PRSS41: variants seen among roughly 807,000 people sequenced by gnomAD.
The protein encoded by PRSS41 is protease, serine 41.
PRSS41 carries 37 observed loss-of-function variants against 28.8 expected under a neutral mutation model. The ratio of observed to expected loss-of-function variants is 1.29; its 90% CI spans 0.99 to 1.69. PRSS41 has a LOEUF of 1.69. PRSS41 is among the 40% of genes most tolerant of loss of function. The pLI, the probability that PRSS41 is intolerant of heterozygous loss-of-function variation, is 0.00. For missense variants in PRSS41, 431 were observed against 400.7 expected (o/e 1.08, Z -0.65); for synonymous variants, 195 against 163.1 (o/e 1.20, Z -1.49).
chr16:2,799,232 C>T lies in PRSS41; in HGVS notation c.258-54C>T, dbSNP rs998889390. 5 of 1,534,492 alleles carry T rather than the reference C, an allele frequency of 3.3e-6. No homozygotes were observed. The African/African-American group carries it at 6.9e-5, about 21-fold the overall frequency. ...TCAGGGACTGGGCCTCCAGCGTGCT[C>T]AGGCGGCCAGCCCCCTATTCCAAGG... is the stretch of plus-strand genomic sequence containing the variant. On this transcript the variant is annotated intron_variant, in intron 3 of 5. Coordinates refer to ENST00000399677, the Ensembl canonical transcript of PRSS41.
At chr16:2,799,247 C>T (rs1293648208) in intron 3 of PRSS41, 39 bp from the exon 4 acceptor site, 2 of 1,545,436 alleles carry the variant, frequency 1.3e-6, no homozygotes, top group Non-Finnish European at 1.7e-6. Flanking sequence ...GGCCAGCCCC[C>T]TATTCCAAGG....
At chr16:2,803,855 C>T (rs1280671994) in intron 4 of PRSS41, among the ~76,000 whole-genome samples, 2 of 152,160 alleles carry the variant, frequency 1.3e-5, no homozygotes, top group African/African-American at 4.8e-5. Flanking sequence ...GATCCCTTGT[C>T]CTTGATGTAT....
At position 2,802,165 on chromosome 16, in the gene PRSS41, C is replaced by T. The variant is rs1416742824; in HGVS notation, c.542-2224C>T. On this transcript the variant is annotated intron_variant, in intron 4 of 5. Transcript: ENST00000399677. Reference sequence around the variant, plus strand: ...GCAGAGGGTCTCCTCACTTCTCAGACGGGGTGGCCGGGCAGAGACGCTCCT... The same window carrying T: ...GCAGAGGGTCTCCTCACTTCTCAGATGGGGTGGCCGGGCAGAGACGCTCCT... Among the ~76,000 whole-genome samples, 11 of 146,536 alleles carry T rather than the reference C, an allele frequency of 7.5e-5. No homozygotes were observed. In the South Asian group the frequency reaches 2.2e-3, roughly 30 times the overall value.
chr16:2,798,498 G>T, exon 1 of PRSS41: 1 of 1,523,142 alleles, frequency 6.6e-7, no homozygotes. Flanking sequence ...GGCGCGCGCG[G>T]GGCGCTGCTG....
intron 2 of PRSS41, 69 bp from the exon 3 acceptor site, chr16:2,798,890 G>C: frequency 6.9e-7 from 1 of 1,444,594 alleles, no homozygotes; most frequent in Non-Finnish European, 9.0e-7. Context: ...CCGGGGCAAA[G>C]CCGGGCAGGG....
chr16:2,799,252 C>T (rs1486423493), intron 3 of PRSS41, 34 bp from the exon 4 acceptor site: 1 of 1,546,922 alleles, frequency 6.5e-7, no homozygotes, highest in Non-Finnish European at 8.7e-7. Context: ...GCCCCCTATT[C>T]CAAGGCTCCC....
intron 4 of PRSS41, among the ~76,000 whole-genome samples, chr16:2,802,740 G>A (rs902158770): frequency 3.3e-5 from 5 of 152,218 alleles, no homozygotes; most frequent in East Asian, 1.9e-4. Context: ...GCATGGCGGC[G>A]CATGCCTGCA....
chr16:2,799,601 G>A lies in PRSS41; in HGVS notation c.541+32G>A, dbSNP rs942409901. On this transcript the variant is annotated intron_variant, in intron 4 of 5. Coordinates refer to ENST00000399677, the Ensembl canonical transcript of PRSS41. ...CTGGGGATAGACCGGGTGGGGTGAT[G>A]GGGGTGCGGGGTGAGCATTACCCTC... The A allele has an allele frequency of 2.6e-6, 4 of 1,545,418 alleles. No homozygotes were observed. The African/African-American group carries it at 5.5e-5, about 21-fold the overall frequency.
At chr16:2,804,339 G>T in intron 4 of PRSS41, 50 bp from the exon 5 acceptor site, 2 of 1,538,766 alleles carry the variant, frequency 1.3e-6, no homozygotes, top group East Asian at 2.4e-5. Flanking sequence ...CCCTGCTCCA[G>T]ATAGCAGAGG....
At chr16:2,803,897 C>T (rs1229734926) in intron 4 of PRSS41, among the ~76,000 whole-genome samples, 1 of 152,128 alleles carries the variant, frequency 6.6e-6, no homozygotes, top group Non-Finnish European at 1.5e-5. Flanking sequence ...AAGACTCTCC[C>T]TTTATCTTTT....
chr16:2,798,538 C>T lies in PRSS41; in HGVS notation c.54C>T (p.Leu18=), dbSNP rs145634372. 7.1e-3 allele frequency: 10,859 copies of T among 1,531,762 alleles called. 451 individuals carry two copies. The Admixed American group carries it at 0.093, about 13-fold the overall frequency. 94.9% of individuals were successfully genotyped at this position (1,531,762 alleles called of 1,614,324 possible). ...CGCTGCTGCTGGCTCGGGCTGGACT[C>T]GGGAAGCCGGGTGAGCTCGGGGCGC... is the stretch of plus-strand genomic sequence containing the variant. Residue 18 remains leucine, a synonymous_variant, in exon 1 of 6, where the codon CTC becomes CTT. Coordinates refer to ENST00000399677, the Ensembl canonical transcript of PRSS41.
chr16:2,804,655 G>A, intron 5 of PRSS41, 109 bp downstream of exon 5: 1 of 1,124,086 alleles, frequency 8.9e-7, no homozygotes, highest in Non-Finnish European at 1.3e-6. Flanking sequence ...GATTTCTTAG[G>A]AGAAAACCAG....
intron 4 of PRSS41, among the ~76,000 whole-genome samples, chr16:2,802,646 G>T (rs1358062263): frequency 6.6e-6 from 1 of 152,248 alleles, no homozygotes; most frequent in African/African-American, 2.4e-5. Flanking sequence ...TCGGGAGGCC[G>T]AGGCTGGCGG....
exon 6 of PRSS41, chr16:2,805,090 C>T: frequency 6.4e-7 from 1 of 1,551,830 alleles, no homozygotes; most frequent in Non-Finnish European, 8.7e-7. Flanking sequence ...GGCCAAACCC[C>T]TCCCAGCTGT....
rs1251557404 is a variant in PRSS41, at chr16:2,804,680, C to G, written c.699+134C>G. On this transcript the variant is annotated intron_variant, in intron 5 of 5. Transcript: ENST00000399677. Reference sequence around the variant, plus strand: ...GAGAAAACCAGTGCAGTCTCAGTTACTGAGCCTACAAAATATGCTTCTCAT... The same window carrying G: ...GAGAAAACCAGTGCAGTCTCAGTTAGTGAGCCTACAAAATATGCTTCTCAT... The G allele has an allele frequency of 8.4e-6, 8 of 946,810 alleles. No individual in the cohort carries two copies. In the Admixed American group the frequency reaches 2.0e-4, roughly 23 times the overall value. 58.7% of individuals were successfully genotyped at this position (946,810 alleles called of 1,614,324 possible). A position where few individuals can be genotyped will look rare whatever the true frequency, so the allele number is the denominator to read the frequency against.
chr16:2,805,134 T>A, exon 6 of PRSS41: 1 of 1,548,376 alleles, frequency 6.5e-7, no homozygotes, highest in Non-Finnish European at 8.7e-7. Context: ...GCTCCCTGAC[T>A]CCTGCAGCCA....
Position 2,804,565 on chromosome 16 carries a change from C to G in PRSS41, c.699+19C>G, listed in dbSNP as rs754607399. 157 of 1,548,162 alleles carry G rather than the reference C, an allele frequency of 1.0e-4. 1 individual carries two copies. The highest frequency in any genetic ancestry group is 1.3e-4 in the Non-Finnish European group (145 of 1,146,028). On this transcript the variant is annotated intron_variant, in intron 5 of 5. Coordinates refer to ENST00000399677, the Ensembl canonical transcript of PRSS41. ...CTGCAAAGTGAGTGCCTCTACCCCA[C>G]CAGGGAATCCCACCCTCTCCAGCTC...
intron 4 of PRSS41, among the ~76,000 whole-genome samples, chr16:2,803,674 C>T (rs1028643719): frequency 1.4e-4 from 21 of 152,180 alleles, no homozygotes; most frequent in Non-Finnish European, 2.9e-4. Flanking sequence ...GAGTTACTCT[C>T]TAGTGTTCTT....
intron 4 of PRSS41, 43 bp from the exon 5 acceptor site, chr16:2,804,346 G>A (rs1266850091): frequency 6.5e-7 from 1 of 1,545,074 alleles, no homozygotes; most frequent in Admixed American, 2.0e-5. Context: ...CCAGATAGCA[G>A]AGGAGAGGTG....
Sources: allele counts gnomAD v4.1 joint callset (sites outside exome capture counted in the v4.1 genomes callset), GRCh38; gene constraint gnomAD v4.1.1; transcripts MANE v1.5; gene names NCBI Gene and HGNC (gene_info 2026-07-23, HGNC 2026-07-21).